The following ARHGAP10 variants were observed in gnomAD, a reference collection of about 807,000 sequenced individuals.
ARHGAP10 encodes the protein Rho GTPase activating protein 10.
In ARHGAP10, 87 loss-of-function variants were observed where a neutral mutation model predicts 108.6. The observed-to-expected ratio is 0.80, with a 90% confidence interval of 0.67 to 0.96. The LOEUF is 0.96. Ranked by LOEUF, ARHGAP10 falls within the 40% of genes least tolerant of loss-of-function variation. The pLI is 0.00. For missense variants in ARHGAP10, 939 were observed against 954.5 expected (o/e 0.98, Z 0.21); for synonymous variants, 347 against 341.1 (o/e 1.02, Z -0.19).
At chr4:147,930,982 A>G in intron 13 of ARHGAP10, among the ~76,000 whole-genome samples, 1 of 152,206 alleles carries the variant, frequency 6.6e-6, no homozygotes, top group East Asian at 1.9e-4. Flanking sequence ...AGTTCCATGC[A>G]GGTGTTTTCT....
intron 3 of ARHGAP10, among the ~76,000 whole-genome samples, chr4:147,825,376 G>T (rs1732666619): frequency 6.6e-6 from 1 of 152,122 alleles, no homozygotes; most frequent in African/African-American, 2.4e-5. Context: ...GAGCCCGGGA[G>T]GCGGAGGTTG....
intron 1 of ARHGAP10, among the ~76,000 whole-genome samples, chr4:147,774,808 A>T (rs1375048754): frequency 6.6e-6 from 1 of 152,082 alleles, no homozygotes; most frequent in African/African-American, 2.4e-5. Context: ...ACATTTTGTC[A>T]TTGACAGAGT....
chr4:147,810,213 T>C (rs1731964868), intron 1 of ARHGAP10, among the ~76,000 whole-genome samples: 1 of 152,228 alleles, frequency 6.6e-6, no homozygotes, highest in Non-Finnish European at 1.5e-5. Context: ...AAATACTGTT[T>C]CATTGTTCGA....
intron 1 of ARHGAP10, among the ~76,000 whole-genome samples, chr4:147,783,694 TAAA>T: frequency 1.6e-5 from 2 of 128,544 alleles, no homozygotes; most frequent in African/African-American, 7.7e-5. Flanking sequence ...TAGAACACAT[TAAA>T]TTATGTATTG....
At chr4:147,886,491 A>G (rs1188352485) in intron 10 of ARHGAP10, among the ~76,000 whole-genome samples, 1 of 152,174 alleles carries the variant, frequency 6.6e-6, no homozygotes, top group African/African-American at 2.4e-5. Flanking sequence ...TCCCCAGTTA[A>G]GCCCTACAGT....
Position 147,897,242 on chromosome 4 carries a change from T to G in ARHGAP10, c.1035-9396T>G, listed in dbSNP as rs1736030702. Among the ~76,000 whole-genome samples the G allele has an allele frequency of 2.0e-5, 3 of 151,404 alleles. No individual in the cohort carries two copies. The South Asian group carries it at 6.2e-4, about 31-fold the overall frequency. On this transcript the variant is annotated intron_variant, in intron 10 of 22. Coordinates refer to ENST00000336498, the MANE Select transcript of ARHGAP10 (RefSeq NM_024605.4). ...TTGCTTTTTAAGCAGAGTTTTAGTT[T>G]ATATATAATAATTATTATTTTATTA...
chr4:148,036,542 T>G (rs1328258248), intron 19 of ARHGAP10, among the ~76,000 whole-genome samples: 1 of 152,240 alleles, frequency 6.6e-6, no homozygotes, highest in Non-Finnish European at 1.5e-5. Flanking sequence ...GCACTTCTCC[T>G]TCCTGCCATC....
intron 18 of ARHGAP10, 170 bp from the exon 19 acceptor site, chr4:148,023,093 T>A: frequency 1.7e-6 from 1 of 578,516 alleles, no homozygotes; most frequent in Non-Finnish European, 2.8e-6. Flanking sequence ...AATCTTCTGT[T>A]AAAAAAATAA....
chr4:147,820,594 T>G (rs1173666099), intron 1 of ARHGAP10, among the ~76,000 whole-genome samples: 1 of 137,056 alleles, frequency 7.3e-6, no homozygotes, highest in South Asian at 2.5e-4. Flanking sequence ...TTTTTTTTTT[T>G]TTTTTTTTTT....
Position 147,815,990 on chromosome 4 carries a change from A to G in ARHGAP10, c.155-6737A>G, listed in dbSNP as rs545027810. On this transcript the variant is annotated intron_variant, in intron 1 of 22. Transcript: ENST00000336498. ...TTTGTGGCAATTTGTTACTACAGCAATAAGAAATGAATACGTAAGTGTCAG... is the reference window on the plus strand; with the variant it reads ...TTTGTGGCAATTTGTTACTACAGCAGTAAGAAATGAATACGTAAGTGTCAG... Among the ~76,000 whole-genome samples, 3 of 152,350 alleles carry G rather than the reference A, an allele frequency of 2.0e-5. No individual in the cohort carries two copies. In the South Asian group the frequency reaches 6.2e-4, roughly 32 times the overall value.
chr4:147,859,165 A>T (rs548641008), intron 5 of ARHGAP10, among the ~76,000 whole-genome samples: 1 of 152,190 alleles, frequency 6.6e-6, no homozygotes, highest in Admixed American at 6.5e-5. Flanking sequence ...CAAACCTTCA[A>T]TTACTCTTCC....
rs137991707 is a variant in ARHGAP10 at position 147,934,665 on chromosome 4, G to A, written c.1229-5160G>A. On this transcript the variant is annotated intron_variant, in intron 13 of 22. Coordinates refer to ENST00000336498, the MANE Select transcript of ARHGAP10 (RefSeq NM_024605.4). ...CAGCCCAGGCAACATAGTGAGACCC[G>A]CTCTCTACAAAAAATAGATTCAGCC... Among the ~76,000 whole-genome samples, 651 of 152,092 alleles carry A rather than the reference G, an allele frequency of 4.3e-3. 3 individuals are homozygous for A. The highest frequency in any genetic ancestry group is 0.017 in the Middle Eastern group (5 of 294).
intron 18 of ARHGAP10, among the ~76,000 whole-genome samples, chr4:147,971,838 T>C (rs1739420891): frequency 6.6e-6 from 1 of 151,850 alleles, no homozygotes; most frequent in Non-Finnish European, 1.5e-5. Context: ...CAGTAGGAAG[T>C]AGAGGAATGA....
Position 147,889,245 on chromosome 4 carries a change from G to T in ARHGAP10, c.1034+7313G>T, listed in dbSNP as rs755501755. ...AAAAATAAACCTAACTTGTTGTGGA[G>T]TTTGTGGGTATTATAAATGGATTTC... On this transcript the variant is annotated intron_variant, in intron 10 of 22. Transcript: ENST00000336498. Among the ~76,000 whole-genome samples, 118 of 152,286 alleles carry T rather than the reference G, an allele frequency of 7.7e-4. 1 individual carries two copies. Among genetic ancestry groups the T allele is most frequent in the Non-Finnish European group, 1.3e-4 (9 of 68,036 alleles).
At chr4:147,912,645 C>CT (rs70958594) in intron 12 of ARHGAP10, among the ~76,000 whole-genome samples, 23,818 of 35,312 alleles carry the variant, frequency 0.67, 11,325 homozygotes, top group Non-Finnish European at 0.84. Flanking sequence ...TAGCCTTAAG[C>CT]TTTTTTTTTT....
At position 147,759,893 on chromosome 4, in the gene ARHGAP10, A is replaced by G. The variant is rs181268581; in HGVS notation, c.154+27438A>G. 3.2e-4 allele frequency among the ~76,000 whole-genome samples: 49 copies of G among 152,002 alleles called. No individual in the cohort carries two copies. In the East Asian group the frequency reaches 9.3e-3, roughly 29 times the overall value. Reference sequence around the variant, plus strand: ...CCTCCTGAGTAGCGGGGATTACAGGAGCCTGCCACCATGCCTGGCTAATTT... The same window carrying G: ...CCTCCTGAGTAGCGGGGATTACAGGGGCCTGCCACCATGCCTGGCTAATTT... On this transcript the variant is annotated intron_variant, in intron 1 of 22. Transcript: ENST00000336498.
intron 19 of ARHGAP10, among the ~76,000 whole-genome samples, chr4:148,036,509 A>C (rs967098562): frequency 2.6e-5 from 4 of 152,190 alleles, no homozygotes; most frequent in Admixed American, 6.5e-5. Flanking sequence ...TGGTTTTATA[A>C]GGGGGCTTTC....
At chr4:147,805,939 A>G (rs1453120492) in intron 1 of ARHGAP10, among the ~76,000 whole-genome samples, 1 of 152,204 alleles carries the variant, frequency 6.6e-6, no homozygotes, top group Non-Finnish European at 1.5e-5. Context: ...CAAATTTAAG[A>G]TTATTTACTC....
intron 1 of ARHGAP10, among the ~76,000 whole-genome samples, chr4:147,780,366 C>T (rs1337547872): frequency 3.3e-5 from 5 of 152,080 alleles, no homozygotes; most frequent in East Asian, 1.9e-4. Context: ...ACTTTGCATG[C>T]GGTCACATTA....
Sources: allele counts gnomAD v4.1 joint callset (sites outside exome capture counted in the v4.1 genomes callset), GRCh38; gene constraint gnomAD v4.1.1; transcripts MANE v1.5; gene names NCBI Gene and HGNC (gene_info 2026-07-23, HGNC 2026-07-21).